The following KL variants were observed in gnomAD, a reference collection of about 807,000 sequenced individuals.
The protein encoded by KL is alpha-klotho.
In KL, 62 loss-of-function variants were observed where a neutral mutation model predicts 84.2. The observed-to-expected ratio is 0.74, with a 90% CI of 0.60 to 0.91. The LOEUF (loss-of-function observed/expected upper bound fraction) is 0.91, where lower values mean the gene tolerates loss of function less well. Ranked by LOEUF, KL falls within the 40% of genes least tolerant of loss-of-function variation. The pLI is 0.00. For synonymous variants in KL, 528 were observed against 528.0 expected (o/e 1.00, Z 0.00); for missense variants, 1,261 against 1,305.7 (o/e 0.97, Z 0.53).
chr13:33,017,358 G>A, intron 1 of KL, 99 bp downstream of exon 1: 2 of 1,134,686 alleles, frequency 1.8e-6, no homozygotes, highest in Non-Finnish European at 2.4e-6. Context: ...CCCAGACGAG[G>A]CTTCACTTGG....
intron 2 of KL, 77 bp from the exon 3 acceptor site, chr13:33,054,970 C>T (rs922313744): frequency 7.9e-5 from 125 of 1,577,398 alleles, no homozygotes; most frequent in Middle Eastern, 1.8e-4. Flanking sequence ...AAGTAGGAAA[C>T]GCTCAGCTGC....
At chr13:33,023,316 A>G (rs1339234604) in intron 1 of KL, among the ~76,000 whole-genome samples, 4 of 152,202 alleles carry the variant, frequency 2.6e-5, no homozygotes, top group African/African-American at 9.7e-5. Context: ...ACGTGTTTTG[A>G]AAAAATACAA....
chr13:33,048,872 G>A (rs1871636072), intron 1 of KL, among the ~76,000 whole-genome samples: 1 of 152,190 alleles, frequency 6.6e-6, no homozygotes, highest in Admixed American at 6.5e-5. Context: ...AAGAGAAAAT[G>A]TCTATATGTT....
chr13:33,060,235 G>A (rs1593811421), intron 3 of KL, among the ~76,000 whole-genome samples: 1 of 152,050 alleles, frequency 6.6e-6, no homozygotes, highest in South Asian at 2.1e-4. Context: ...ATGAGCCACC[G>A]CACCTGGCCA....
intron 3 of KL, 79 bp from the exon 4 acceptor site, chr13:33,060,600 A>T: frequency 6.6e-7 from 1 of 1,514,242 alleles, no homozygotes; most frequent in Non-Finnish European, 9.2e-7. Flanking sequence ...ATTCCTGGCT[A>T]GTTTTGCTGA....
At chr13:33,025,996 A>C (rs572532379) in intron 1 of KL, among the ~76,000 whole-genome samples, 2 of 152,202 alleles carry the variant, frequency 1.3e-5, no homozygotes, top group Non-Finnish European at 2.9e-5. Flanking sequence ...TGTTAAGGTA[A>C]TCCGTTAGAG....
rs563925 is a variant in KL, at chr13:33,031,920, C to T, written c.819+14661C>T. Among the ~76,000 whole-genome samples, 60 of 151,248 alleles carry T rather than the reference C, an allele frequency of 4.0e-4. No homozygotes were observed. The South Asian group carries it at 7.3e-3, about 18-fold the overall frequency. On this transcript the variant is annotated intron_variant, in intron 1 of 4. Coordinates refer to ENST00000380099, the MANE Select transcript of KL (RefSeq NM_004795.4). Reference sequence around the variant, plus strand: ...ATAATGCTTGATAATTTCTAGAGTCCTTTTTTTTTGTATTTTGGGGCAGGT... The same window carrying T: ...ATAATGCTTGATAATTTCTAGAGTCTTTTTTTTTTGTATTTTGGGGCAGGT...
chr13:33,055,144 C>G lies in KL; in HGVS notation c.1428C>G (p.Leu476=). ...WHRGYSIRRG[L]FYVDFLSQDK... is the part of the protein sequence containing the mutation. ...GAGGTTACAGCATCAGGCGTGGACTCTTCTATGTTGACTTTCTAAGCCAGG... is the reference window on the plus strand; with the variant it reads ...GAGGTTACAGCATCAGGCGTGGACTGTTCTATGTTGACTTTCTAAGCCAGG... Residue 476 remains leucine (L), a synonymous_variant, in exon 3 of 5, where the codon CTC becomes CTG. Coordinates refer to ENST00000380099, the MANE Select transcript of KL (RefSeq NM_004795.4). 6.2e-7 allele frequency: 1 copy of G among 1,614,206 alleles called. No homozygotes were observed. Among genetic ancestry groups the G allele is most frequent in the Non-Finnish European group, 8.5e-7 (1 of 1,180,034 alleles).
rs1872155768 is a variant in KL at position 33,060,893 on chromosome 13, T to G, written c.1814T>G (p.Leu605Arg). The change falls in exon 4 of 5, where the codon CTG becomes CGG. Residue 605 changes from leucine (L) to arginine (R), a missense_variant. Transcript: ENST00000380099. ...CTGGACTGGGCCCTGATTCTCCCTC[T>G]GGGTAACCAGTCCCAGGTGAACCAC... The part of the protein sequence containing the change: ...FSLDWALILP[L>R]GNQSQVNHTI... 1.9e-6 allele frequency: 3 copies of G among 1,614,204 alleles called. No homozygotes were observed. Among genetic ancestry groups the G allele is most frequent in the Non-Finnish European group, 2.5e-6 (3 of 1,180,018 alleles).
At chr13:33,030,090 T>A (rs1419624741) in intron 1 of KL, among the ~76,000 whole-genome samples, 2 of 152,120 alleles carry the variant, frequency 1.3e-5, no homozygotes, top group Non-Finnish European at 2.9e-5. Flanking sequence ...GCTGAACTCA[T>A]CCTTTTACAA....
At chr13:33,047,379 G>A (rs1871575430) in intron 1 of KL, among the ~76,000 whole-genome samples, 1 of 145,072 alleles carries the variant, frequency 6.9e-6, no homozygotes, top group Non-Finnish European at 1.5e-5. Flanking sequence ...TTGAGATGGA[G>A]TCTTGCTCTG....
chr13:33,016,689 C>T lies in KL; in HGVS notation c.249C>T (p.His83=), dbSNP rs772081828. ...AGACCGAGGGCGGCTGGCAGCAGCA[C>T]GGCAAGGGTGCGTCCATCTGGGATA... The part of the protein sequence containing the change: ...AYQTEGGWQQ[H]GKGASIWDTF... The change falls in exon 1 of 5, where the codon CAC becomes CAT. Residue 83 remains histidine, a synonymous_variant. Transcript: ENST00000380099. 1.2e-6 allele frequency: 2 copies of T among 1,604,938 alleles called. No individual in the cohort carries two copies. The highest frequency in any genetic ancestry group is 1.7e-6 in the Non-Finnish European group (2 of 1,176,454).
chr13:33,021,281 C>T (rs1475873575), intron 1 of KL, among the ~76,000 whole-genome samples: 1 of 152,152 alleles, frequency 6.6e-6, no homozygotes, highest in Non-Finnish European at 1.5e-5. Flanking sequence ...GTAAACATAA[C>T]GTGGCAGACT....
At chr13:33,056,500 C>A (rs1377276886) in intron 3 of KL, among the ~76,000 whole-genome samples, 2 of 152,090 alleles carry the variant, frequency 1.3e-5, no homozygotes. Flanking sequence ...CAGACTTAAA[C>A]CCTCGCCTTC....
chr13:33,056,635 A>C (rs1871967641), intron 3 of KL, among the ~76,000 whole-genome samples: 1 of 37,248 alleles, frequency 2.7e-5, no homozygotes, highest in Admixed American at 4.6e-4. Flanking sequence ...CTCTACTAAA[A>C]ATACAAAAAA....
Position 33,054,278 on chromosome 13 carries a change from G to A in KL, c.1330+1G>A. 2 of 1,612,534 alleles carry A rather than the reference G, an allele frequency of 1.2e-6. No homozygotes were observed. Among genetic ancestry groups the A allele is most frequent in the Non-Finnish European group, 1.7e-6 (2 of 1,179,700 alleles). On this transcript the variant is annotated splice_donor_variant, in intron 2 of 4. Transcript: ENST00000380099. LOFTEE classifies it high-confidence loss of function. ...AAGTTCATCATGGAAACCTTAAAAG[G>A]TATGATTGTGGGTAAAGTTCTCATT...
intron 1 of KL, among the ~76,000 whole-genome samples, chr13:33,018,740 C>A (rs566559129): frequency 5.3e-5 from 8 of 152,202 alleles, no homozygotes; most frequent in Non-Finnish European, 8.8e-5. Flanking sequence ...ATACTGGAAG[C>A]AAATAAATGG....
At position 33,054,295 on chromosome 13, in the gene KL, G is replaced by T. The variant is rs748638151; in HGVS notation, c.1330+18G>T. 2 of 1,610,374 alleles carry T rather than the reference G, an allele frequency of 1.2e-6. No homozygotes were observed. The highest frequency in any genetic ancestry group is 1.7e-5 in the Admixed American group (1 of 59,902). On this transcript the variant is annotated intron_variant, in intron 2 of 4. Coordinates refer to ENST00000380099, the MANE Select transcript of KL (RefSeq NM_004795.4). Reference sequence around the variant, plus strand: ...CTTAAAAGGTATGATTGTGGGTAAAGTTCTCATTTCCTGCCAAAATCTTCT... The same window carrying T: ...CTTAAAAGGTATGATTGTGGGTAAATTTCTCATTTCCTGCCAAAATCTTCT...
intron 1 of KL, among the ~76,000 whole-genome samples, chr13:33,049,260 C>T (rs1252625560): frequency 6.6e-6 from 1 of 152,090 alleles, no homozygotes; most frequent in African/African-American, 2.4e-5. Context: ...CTGCTTCAGC[C>T]CAGAAAAATG....
Sources: gnomAD v4.1 joint callset for allele counts (sites outside exome capture counted in the v4.1 genomes callset) on GRCh38, gnomAD v4.1.1 for gene constraint, MANE v1.5 for transcripts, NCBI Gene and HGNC (gene_info 2026-07-23, HGNC 2026-07-21) for gene names.